Variants in POLI observed in about 807,000 individuals in gnomAD.
POLI encodes DNA polymerase iota.
In POLI, 58 loss-of-function variants were observed where a neutral mutation model predicts 51.6. That is an observed-to-expected ratio of 1.12 (90% CI 0.91 to 1.40). POLI has a LOEUF of 1.40. POLI is among the 40% of genes most tolerant of loss of function. POLI has a pLI of 0.00. For synonymous variants in POLI, 322 were observed against 299.7 expected (o/e 1.07, Z -0.77); for missense variants, 921 against 871.3 (o/e 1.06, Z -0.72).
intron 3 of POLI, among the ~76,000 whole-genome samples, chr18:54,303,988 A>G (rs2144633740): frequency 6.7e-6 from 1 of 148,382 alleles, no homozygotes; most frequent in African/African-American, 2.5e-5. Context: ...TTCAGTTCCC[A>G]CCTATGAGTG....
chr18:54,312,236 G>A (rs189672638), intron 3 of POLI, among the ~76,000 whole-genome samples: 182 of 152,228 alleles, frequency 1.2e-3, no homozygotes, highest in African/African-American at 4.2e-3. Flanking sequence ...TTTTTGCTTA[G>A]GATAATGGTT....
chr18:54,320,573 G>A (rs1346486001), intron 4 of POLI, among the ~76,000 whole-genome samples: 1 of 152,034 alleles, frequency 6.6e-6, no homozygotes, highest in Non-Finnish European at 1.5e-5. Context: ...TAGGCTTTTT[G>A]CTGGGGCTAA....
intron 8 of POLI, among the ~76,000 whole-genome samples, chr18:54,289,606 C>G (rs998281215): frequency 6.8e-5 from 10 of 147,136 alleles, no homozygotes; most frequent in Non-Finnish European, 1.4e-4. Context: ...ACCAAAACAG[C>G]ATGGTACTGG....
intron 3 of POLI, among the ~76,000 whole-genome samples, chr18:54,307,286 A>G (rs902047363): frequency 6.6e-6 from 1 of 152,160 alleles, no homozygotes; most frequent in Non-Finnish European, 1.5e-5. Context: ...AGATTCTGGT[A>G]CATTGTGTCT....
chr18:54,308,286 A>G (rs2088620654), intron 3 of POLI, among the ~76,000 whole-genome samples: 1 of 152,110 alleles, frequency 6.6e-6, no homozygotes, highest in Non-Finnish European at 1.5e-5. Context: ...GGTGGTGACA[A>G]CATCTCTCAG....
Position 54,282,845 on chromosome 18 carries a change from T to G in POLI, c.805T>G (p.Tyr269Asp), listed in dbSNP as rs1465337366. Residue 269 changes from tyrosine (Y) to aspartate (D), a missense_variant, in exon 6 of 10, where the codon TAT becomes GAT. Transcript: ENST00000579534. ...CATTTCTTTTTATTTAGGTATTGGC[T>G]ATAAAACTGCCAAATGTCTTGAAGC... ...NHIKEIPGIG[Y>D]KTAKCLEALG... 2.6e-6 allele frequency: 4 copies of G among 1,543,434 alleles called. No individual in the cohort carries two copies. In the African/African-American group the frequency reaches 5.5e-5, roughly 21 times the overall value.
downstream of POLI, chr18:54,298,251 T>G (rs1252686402): frequency 1.1e-5 from 2 of 175,946 alleles, no homozygotes; most frequent in Non-Finnish European, 2.2e-5. Flanking sequence ...AGTCCAGAGT[T>G]TTCTTTGGGG....
chr18:54,315,192 G>T (rs2088718057), intron 3 of POLI, among the ~76,000 whole-genome samples: 1 of 151,954 alleles, frequency 6.6e-6, no homozygotes. Context: ...AAGATTTTTG[G>T]ATATCTGCCT....
At chr18:54,269,821 G>C in intron 1 of POLI, 160 bp downstream of exon 1, 1 of 1,365,068 alleles carries the variant, frequency 7.3e-7, no homozygotes, top group African/African-American at 1.5e-5. Context: ...TTACGCGGCG[G>C]GTACCTCTAG....
At chr18:54,281,258 T>C (rs1280686660) in intron 5 of POLI, among the ~76,000 whole-genome samples, 2 of 152,186 alleles carry the variant, frequency 1.3e-5, no homozygotes, top group East Asian at 1.9e-4. Flanking sequence ...CGTCTTTTAC[T>C]AACTCTTTTG....
At position 54,294,203 on chromosome 18, in the gene POLI, G is replaced by A. The variant is rs771440745; in HGVS notation, c.1959G>A (p.Val653=). 2 of 1,613,482 alleles carry A rather than the reference G, an allele frequency of 1.2e-6. No individual in the cohort carries two copies. Among genetic ancestry groups the A allele is most frequent in the South Asian group, 1.1e-5 (1 of 91,070 alleles). The change falls in exon 10 of 10, where the codon GTG becomes GTA. Residue 653 remains valine, a synonymous_variant. Transcript: ENST00000579534. ...GFHFTNSNPA[V]SAFHSFPNLQ... is the part of the protein sequence containing the mutation. ...ACTTTACAAATTCAAACCCTGCTGT[G>A]TCTGCTTTTCATTCATTTCCAAACT...
intron 3 of POLI, among the ~76,000 whole-genome samples, chr18:54,314,701 A>G (rs773687762): frequency 3.9e-5 from 6 of 152,118 alleles, no homozygotes; most frequent in African/African-American, 7.2e-5. Flanking sequence ...GAGATGTTGC[A>G]TGCTTCCAGG....
At position 54,294,072 on chromosome 18, in the gene POLI, A is replaced by C. The variant is rs773753364; in HGVS notation, c.1828A>C (p.Ser610Arg). ...ACCGGGAACATCAGGCTTTAATAGC[A>C]GTAGTTCTTCTTACATGTCTAGCCA... ...CEPGTSGFNS[S>R]SSSYMSSQKD... The change falls in exon 10 of 10, where the codon AGT becomes CGT. Residue 610 changes from serine (S) to arginine (R), a missense_variant. Ser to Arg is a moderately radical substitution (Grantham distance 110). Transcript: ENST00000579534. The C allele has an allele frequency of 2.4e-5, 39 of 1,611,110 alleles. No individual in the cohort carries two copies. The highest frequency in any genetic ancestry group is 3.3e-5 in the Non-Finnish European group (39 of 1,177,452).
At chr18:54,299,906 C>G (rs1193714977), downstream of POLI, among the ~76,000 whole-genome samples, 1 of 151,758 alleles carries the variant, frequency 6.6e-6, no homozygotes. Context: ...GCAAAGCCAA[C>G]AATTTTGAAA....
chr18:54,274,428 A>T (rs761189389), intron 3 of POLI, among the ~76,000 whole-genome samples: 1 of 152,100 alleles, frequency 6.6e-6, no homozygotes, highest in Non-Finnish European at 1.5e-5. Context: ...TAAATGAATT[A>T]CGAAGAAATA....
At chr18:54,269,984 C>T (rs1023935569) in intron 1 of POLI, 2 of 1,096,282 alleles carry the variant, frequency 1.8e-6, no homozygotes, top group African/African-American at 3.3e-5. Context: ...GGCTTCTGGG[C>T]CTTTTAACTT....
intron 2 of POLI, among the ~76,000 whole-genome samples, chr18:54,273,020 C>A (rs2087073400): frequency 6.6e-6 from 1 of 151,652 alleles, no homozygotes. Context: ...TGGACATAAC[C>A]TTTTTTTTCT....
rs200681650 is a variant in POLI at position 54,272,475 on chromosome 18, T to TTTG, written c.241+1003_241+1005dup. ...AACGAAAGTAGTCTTTCATTTTGTTTTTGTTGTTGTTGTTGAGAAGGGGTC... is the reference window on the plus strand; with the variant it reads ...AACGAAAGTAGTCTTTCATTTTGTTTTTGTTGTTGTTGTTGTTGAGAAGGGGTC... On this transcript the variant is annotated intron_variant, in intron 2 of 9. Coordinates refer to ENST00000579534, the MANE Select transcript of POLI (RefSeq NM_007195.3). Among the ~76,000 whole-genome samples, 32 of 152,100 alleles carry TTTG rather than the reference T, an allele frequency of 2.1e-4. No homozygotes were observed. In the East Asian group the frequency reaches 5.0e-3, roughly 24 times the overall value.
intron 9 of POLI, 78 bp from the exon 10 acceptor site, chr18:54,293,571 G>C (rs1344230179): frequency 9.9e-7 from 1 of 1,006,132 alleles, no homozygotes; most frequent in Non-Finnish European, 1.4e-6. Context: ...TCAGATAATA[G>C]CTACAGGCAC....
Sources: allele counts gnomAD v4.1 joint callset (sites outside exome capture counted in the v4.1 genomes callset), GRCh38; gene constraint gnomAD v4.1.1; transcripts MANE v1.5; gene names NCBI Gene and HGNC (gene_info 2026-07-23, HGNC 2026-07-21).